EDEM3: variants seen among roughly 807,000 people sequenced by gnomAD.
EDEM3 encodes the protein ER degradation-enhancing alpha-mannosidase-like protein 3.
A neutral mutation model predicts 110.2 loss-of-function variants in EDEM3; 60 were observed. The ratio of observed to expected loss-of-function variants is 0.54; its 90% CI spans 0.44 to 0.67. The LOEUF (loss-of-function observed/expected upper bound fraction) is 0.67, where lower values mean the gene tolerates loss of function less well. Ranked by LOEUF, EDEM3 falls within the 30% of genes least tolerant of loss-of-function variation. The probability of loss-of-function intolerance (pLI) is 0.00; values close to 1 mark genes in which losing one functional copy is unlikely to be tolerated. For synonymous variants in EDEM3, 352 were observed against 382.9 expected, an observed-to-expected ratio of 0.92 and a Z score of 0.94; for missense variants, 996 against 1,121.0, an observed-to-expected ratio of 0.89 and a Z score of 1.59.
In EDEM3 at chr1:184,694,232, T is replaced by C. The variant is rs1266954431; in HGVS notation, c.2630A>G (p.Asn877Ser). 1 of 1,613,464 alleles carries C rather than the reference T, an allele frequency of 6.2e-7. No homozygotes were observed. Among genetic ancestry groups the C allele is most frequent in the South Asian group, 1.1e-5 (1 of 91,066 alleles). Residue 877 changes from asparagine to serine, a missense_variant, in exon 20 of 20, where the codon AAT becomes AGT. By Grantham distance (46) the Asn-to-Ser change is conservative. Transcript: ENST00000318130. ...GTTATCTAAATCTGTACATTCACCA[T>C]TAAGATTTGTAGTCTCATGGTTTTC... ...PTENHETTNL[N>S]GECTDLDNQL...
intron 1 of EDEM3, among the ~76,000 whole-genome samples, chr1:184,752,475 T>C (rs1288191391): frequency 6.6e-6 from 1 of 152,232 alleles, no homozygotes; most frequent in African/African-American, 2.4e-5. Context: ...TCTAGATTCT[T>C]ACCCTACCCT....
chr1:184,700,272 A>G (rs575771852), intron 19 of EDEM3, among the ~76,000 whole-genome samples: 19 of 152,030 alleles, frequency 1.2e-4, no homozygotes, highest in African/African-American at 3.6e-4. Flanking sequence ...AAGGGCTTCT[A>G]TTTTCTGTAT....
chr1:184,744,109 T>C (rs12031028), intron 2 of EDEM3, among the ~76,000 whole-genome samples: 45,738 of 151,044 alleles, frequency 0.3, 8,493 homozygotes, highest in East Asian at 0.55. Context: ...AAAGTATTTG[T>C]GCTTCAAAAG....
intron 6 of EDEM3, among the ~76,000 whole-genome samples, chr1:184,731,818 T>TA (rs372285390): frequency 2.0e-5 from 3 of 152,108 alleles, no homozygotes; most frequent in African/African-American, 7.2e-5. Flanking sequence ...ATTTGGCCAT[T>TA]AAAAAAATGA....
At chr1:184,723,690 C>T in intron 8 of EDEM3, 61 bp downstream of exon 8, 1 of 1,239,144 alleles carries the variant, frequency 8.1e-7, no homozygotes. Flanking sequence ...AATGAAAATT[C>T]TTTATTTCCC....
intron 16 of EDEM3, 89 bp from the exon 17 acceptor site, chr1:184,708,433 C>CAGAG: frequency 3.7e-6 from 5 of 1,346,506 alleles, no homozygotes; most frequent in Non-Finnish European, 5.1e-6. Flanking sequence ...CTGTAGTATT[C>CAGAG]TACTCTACAA....
intron 4 of EDEM3, among the ~76,000 whole-genome samples, chr1:184,736,515 G>A (rs1399088931): frequency 6.6e-6 from 1 of 152,018 alleles, no homozygotes; most frequent in African/African-American, 2.4e-5. Context: ...TTTCCCCTCT[G>A]TCATCACAAA....
intron 2 of EDEM3, among the ~76,000 whole-genome samples, chr1:184,742,411 A>C (rs1652195115): frequency 6.6e-6 from 1 of 152,068 alleles, no homozygotes; most frequent in African/African-American, 2.4e-5. Context: ...ACTTTTTTTG[A>C]AACGGAGTCT....
In EDEM3 at chr1:184,692,493, C is replaced by T. The variant is rs1322555772; in HGVS notation, c.*1570G>A. ...ACCTGGGATCTAAACATACTGTACACGAATATACATAACTGCAATACAGCA... is the reference window on the plus strand; with the variant it reads ...ACCTGGGATCTAAACATACTGTACATGAATATACATAACTGCAATACAGCA... On this transcript the variant is annotated 3_prime_UTR_variant, in exon 20 of 20. Coordinates refer to ENST00000318130, the MANE Select transcript of EDEM3 (RefSeq NM_025191.4). The T allele has an allele frequency of 1.3e-5, 2 of 152,024 alleles. No homozygotes were observed. The highest frequency in any genetic ancestry group is 2.4e-5 in the African/African-American group (1 of 41,426). The allele number at this position is 152,024 out of a possible 1,614,324, so 9.4% of individuals were successfully genotyped here.
chr1:184,719,976 G>C (rs752258681), intron 9 of EDEM3, among the ~76,000 whole-genome samples: 1 of 152,158 alleles, frequency 6.6e-6, no homozygotes, highest in Admixed American at 6.5e-5. Context: ...TCCCTTCTCG[G>C]CTAACAATAT....
chr1:184,747,923 G>A (rs1652525624), intron 2 of EDEM3, among the ~76,000 whole-genome samples: 1 of 152,194 alleles, frequency 6.6e-6, no homozygotes, highest in Non-Finnish European at 1.5e-5. Context: ...TATTCATTGT[G>A]AGAAACTGAA....
At chr1:184,723,356 C>T (rs919711768) in intron 8 of EDEM3, among the ~76,000 whole-genome samples, 2 of 151,976 alleles carry the variant, frequency 1.3e-5, no homozygotes, top group African/African-American at 4.8e-5. Context: ...AATCCAACAA[C>T]ATGACCCCAG....
chr1:184,735,125 T>A (rs1651752513), intron 4 of EDEM3, among the ~76,000 whole-genome samples: 1 of 152,202 alleles, frequency 6.6e-6, no homozygotes, highest in Admixed American at 6.5e-5. Context: ...AAGGAGGCTA[T>A]ACAATGTTGT....
chr1:184,729,300 G>T (rs567280188), intron 6 of EDEM3, among the ~76,000 whole-genome samples: 1 of 152,132 alleles, frequency 6.6e-6, no homozygotes, highest in Admixed American at 6.5e-5. Context: ...CAAAGTAAAG[G>T]CATAAATTAC....
At chr1:184,736,771 A>G (rs1036578265) in intron 4 of EDEM3, among the ~76,000 whole-genome samples, 1 of 152,180 alleles carries the variant, frequency 6.6e-6, no homozygotes, top group African/African-American at 2.4e-5. Flanking sequence ...AAAGGGGGGA[A>G]AAAAGGACCT....
rs995055345 is a variant in EDEM3, at chr1:184,691,085, G to T, written c.*2978C>A. On this transcript the variant is annotated 3_prime_UTR_variant, in exon 20 of 20. Transcript: ENST00000318130. ...TACAATTTTTCTTTTTACTAATACT[G>T]TAAAGAAAAAGGGAGACGTATAATG... 1 of 152,432 alleles carries T rather than the reference G, an allele frequency of 6.6e-6. No homozygotes were observed. The highest frequency in any genetic ancestry group is 1.5e-5 in the Non-Finnish European group (1 of 67,954). 9.4% of individuals were successfully genotyped at this position (152,432 alleles called of 1,614,324 possible). A position where few individuals can be genotyped will look rare whatever the true frequency, so the allele number is the denominator to read the frequency against.
intron 15 of EDEM3, 59 bp from the exon 16 acceptor site, chr1:184,710,606 C>G: frequency 6.6e-7 from 1 of 1,506,404 alleles, no homozygotes; most frequent in Non-Finnish European, 8.9e-7. Flanking sequence ...TGGCAAAAAA[C>G]ACATGTCAAA....
chr1:184,711,183 C>A (rs1650209449), intron 15 of EDEM3, among the ~76,000 whole-genome samples: 1 of 152,090 alleles, frequency 6.6e-6, no homozygotes, highest in Non-Finnish European at 1.5e-5. Context: ...ACCGCAACCT[C>A]CACCTCCTGG....
At chr1:184,719,023 G>A in intron 11 of EDEM3, 139 bp downstream of exon 11, 1 of 454,812 alleles carries the variant, frequency 2.2e-6, no homozygotes, top group Non-Finnish European at 3.8e-6. Flanking sequence ...TATTTAATAG[G>A]AAAAAAATAA....
Sources: allele counts gnomAD v4.1 joint callset (sites outside exome capture counted in the v4.1 genomes callset), GRCh38; gene constraint gnomAD v4.1.1; transcripts MANE v1.5; gene names NCBI Gene and HGNC (gene_info 2026-07-23, HGNC 2026-07-21).